The following ZHX3 variants were observed in gnomAD, a reference collection of about 807,000 sequenced individuals.
The protein encoded by ZHX3 is zinc fingers and homeoboxes 3, also known as zinc fingers and homeoboxes protein 3.
ZHX3 carries 20 observed loss-of-function variants against 64.5 expected under a neutral mutation model. The ratio of observed to expected loss-of-function variants is 0.31; its 90% CI spans 0.22 to 0.45. The LOEUF (loss-of-function observed/expected upper bound fraction) is 0.45. ZHX3 is among the 20% of genes least tolerant of loss of function. The probability of loss-of-function intolerance (pLI) is 1.00; values close to 1 mark genes in which losing one functional copy is unlikely to be tolerated. For synonymous variants in ZHX3, 423 were observed against 461.6 expected, an observed-to-expected ratio of 0.92 and a Z score of 1.07; for missense variants, 1,041 against 1,195.8, an observed-to-expected ratio of 0.87 and a Z score of 1.91.
At chr20:41,308,322 A>G (rs1028011219) in intron 1 of ZHX3, among the ~76,000 whole-genome samples, 5 of 152,162 alleles carry the variant, frequency 3.3e-5, no homozygotes, top group African/African-American at 1.2e-4. Context: ...AGCTCCCTGT[A>G]GTTCACTGAG....
Position 41,256,975 on chromosome 20 carries a change from A to ACTCCAC in ZHX3, c.-151+12014_-151+12015insGTGGAG, listed in dbSNP as rs1378012441. On this transcript the variant is annotated intron_variant, in intron 2 of 3. Coordinates refer to ENST00000683867, the MANE Select transcript of ZHX3 (RefSeq NM_001384317.1). ...CCTCCAATGCCTATTACTCCACTCT[A>ACTCCAC]TATGTCCATCTGTACCCATTGTTTA... is the stretch of plus-strand genomic sequence containing the variant. 5.3e-5 allele frequency among the ~76,000 whole-genome samples: 8 copies of ACTCCAC among 152,030 alleles called. No homozygotes were observed. In the East Asian group the frequency reaches 1.5e-3, roughly 29 times the overall value.
At chr20:41,299,215 T>C (rs928390599) in intron 1 of ZHX3, among the ~76,000 whole-genome samples, 1 of 152,230 alleles carries the variant, frequency 6.6e-6, no homozygotes, top group African/African-American at 2.4e-5. Flanking sequence ...CTTATTCCAT[T>C]TGAGAGGCAT....
chr20:41,200,826 T>A lies in ZHX3; in HGVS notation c.2860+1231A>T, dbSNP rs2146216888. On this transcript the variant is annotated intron_variant, in intron 3 of 3. Transcript: ENST00000683867. The surrounding 1 kb of genome is among the most constrained non-coding windows in gnomAD (Gnocchi z 4.2). ...AATTATGGGCCAAAAAGGAAGTCTC[T>A]TTTTCCTTAATTCAGTAAAGAAACA... 6.6e-6 allele frequency among the ~76,000 whole-genome samples: 1 copy of A among 152,338 alleles called. No individual in the cohort carries two copies. Among genetic ancestry groups the A allele is most frequent in the South Asian group, 2.1e-4 (1 of 4,832 alleles).
intron 2 of ZHX3, among the ~76,000 whole-genome samples, chr20:41,223,351 A>G (rs2040071885): frequency 6.6e-6 from 1 of 152,248 alleles, no homozygotes; most frequent in African/African-American, 2.4e-5. Context: ...GGTAAGTCAT[A>G]CATGTATAAG....
intron 3 of ZHX3, among the ~76,000 whole-genome samples, chr20:41,186,748 G>A (rs915156117): frequency 2.6e-5 from 4 of 152,280 alleles, no homozygotes; most frequent in East Asian, 1.9e-4. Context: ...CCAAAGGTTC[G>A]TCTTTTCATG....
chr20:41,186,604 C>T (rs1231890951), intron 3 of ZHX3, among the ~76,000 whole-genome samples: 2 of 152,214 alleles, frequency 1.3e-5, no homozygotes, highest in African/African-American at 4.8e-5. Flanking sequence ...TTTATATTCC[C>T]ACCAGCAATG....
intron 3 of ZHX3, among the ~76,000 whole-genome samples, chr20:41,186,440 T>C (rs2146105596): frequency 6.6e-6 from 1 of 152,364 alleles, no homozygotes; most frequent in East Asian, 1.9e-4. Flanking sequence ...CTGTGAATAA[T>C]GCCACTAAGA....
chr20:41,272,714 C>T (rs142773001), intron 1 of ZHX3, among the ~76,000 whole-genome samples: 3 of 152,152 alleles, frequency 2.0e-5, no homozygotes, highest in Non-Finnish European at 2.9e-5. Flanking sequence ...GTACTTCATT[C>T]CAATTTATGG....
chr20:41,189,349 T>C (rs2036807025), intron 3 of ZHX3, among the ~76,000 whole-genome samples: 1 of 152,218 alleles, frequency 6.6e-6, no homozygotes, highest in African/African-American at 2.4e-5. Flanking sequence ...GTACAAATTT[T>C]AGGGTTTTTT....
chr20:41,217,127 C>T (rs1038866741), intron 2 of ZHX3, among the ~76,000 whole-genome samples: 11 of 152,052 alleles, frequency 7.2e-5, no homozygotes, highest in Non-Finnish European at 1.2e-4. Flanking sequence ...CAGTAAATGA[C>T]ATTAAAGAAT....
At position 41,200,120 on chromosome 20, in the gene ZHX3, AC is replaced by A. The variant is rs1333799504; in HGVS notation, c.2860+1936del. Among the ~76,000 whole-genome samples the A allele has an allele frequency of 6.6e-6, 1 of 150,536 alleles. No homozygotes were observed. The highest frequency in any genetic ancestry group is 1.5e-5 in the Non-Finnish European group (1 of 67,778). ...CTTGCGGATGCTGAAACAAAAAAAA[AC>A]CATCAAAATTTGTAAGCCTCTCCAT... On this transcript the variant is annotated intron_variant, in intron 3 of 3. Coordinates refer to ENST00000683867, the MANE Select transcript of ZHX3 (RefSeq NM_001384317.1). The surrounding 1 kb of genome is among the most constrained non-coding windows in gnomAD (Gnocchi z 4.2).
Position 41,204,079 on chromosome 20 carries a change from C to T in ZHX3, c.838G>A (p.Val280Met), listed in dbSNP as rs113045007. Residue 280 changes from valine (V) to methionine (M), a missense_variant, in exon 3 of 4, where the codon GTG becomes ATG. By Grantham distance (21) the Val-to-Met change is conservative. Transcript: ENST00000683867. The surrounding 1 kb of genome is among the most constrained non-coding windows in gnomAD (Gnocchi z 6.6). ...TGGTGGACATGGTGTTGGGCATGCA[C>T]TGGGGGCTGCTGCTGGAGGGAGAGG... The part of the protein sequence containing the change: ...QFLSLQQQPP[V>M]HAQHHVHQPL... 1.8e-5 allele frequency: 29 copies of T among 1,609,796 alleles called. No homozygotes were observed. The highest frequency in any genetic ancestry group is 2.5e-5 in the Non-Finnish European group (29 of 1,177,562).
At chr20:41,196,380 C>T (rs58618816) in intron 3 of ZHX3, among the ~76,000 whole-genome samples, 1 of 56,054 alleles carries the variant, frequency 1.8e-5, no homozygotes, top group Non-Finnish European at 2.8e-5. Flanking sequence ...ATTTATATAA[C>T]ATAAATATAT....
intron 1 of ZHX3, among the ~76,000 whole-genome samples, chr20:41,301,807 C>A (rs2044818715): frequency 6.6e-6 from 1 of 152,070 alleles, no homozygotes; most frequent in African/African-American, 2.4e-5. Flanking sequence ...GTAATCCCAG[C>A]ACTTTGGGAG....
chr20:41,202,654 C>T lies in ZHX3; in HGVS notation c.2263G>A (p.Glu755Lys), dbSNP rs759676649. 7 of 1,613,910 alleles carry T rather than the reference C, an allele frequency of 4.3e-6. No homozygotes were observed. Among genetic ancestry groups the T allele is most frequent in the African/African-American group, 4.0e-5 (3 of 74,906 alleles). Reference protein sequence around the residue: ...GLGACDPEDDESNKLAEQLPG... With the variant: ...GLGACDPEDDKSNKLAEQLPG... ...AGCTGCTCTGCCAGTTTGTTTGACT[C>T]ATCATCCTCAGGGTCACAGGCACCC... Residue 755 changes from glutamate (E) to lysine (K), a missense_variant, in exon 3 of 4, where the codon GAG becomes AAG. Glu to Lys is a moderately conservative substitution (Grantham distance 56, BLOSUM62 1). Transcript: ENST00000683867. The surrounding 1 kb of genome is among the most constrained non-coding windows in gnomAD (Gnocchi z 7.0).
intron 2 of ZHX3, among the ~76,000 whole-genome samples, chr20:41,213,331 G>A (rs1382773865): frequency 2.0e-5 from 3 of 152,162 alleles, no homozygotes; most frequent in Non-Finnish European, 4.4e-5. Flanking sequence ...AACCAAGAAA[G>A]GTAGAGGACA....
rs141300379 is a variant in ZHX3 at position 41,252,551 on chromosome 20, A to C, written c.-151+16439T>G. On this transcript the variant is annotated intron_variant, in intron 2 of 3. Coordinates refer to ENST00000683867, the MANE Select transcript of ZHX3 (RefSeq NM_001384317.1). Reference sequence around the variant, plus strand: ...AGTCTTCATTTTATACTGCCAAGTAAGTCTAACTGTAACATGCCCATCTTA... The same window carrying C: ...AGTCTTCATTTTATACTGCCAAGTACGTCTAACTGTAACATGCCCATCTTA... Among the ~76,000 whole-genome samples, 28 of 152,318 alleles carry C rather than the reference A, an allele frequency of 1.8e-4. 1 individual carries two copies. The East Asian group carries it at 2.5e-3, about 14-fold the overall frequency.
rs755118508 is a variant in ZHX3 at position 41,246,902 on chromosome 20, AAAC to A, written c.-151+22085_-151+22087del. ...AAAAAAACCAAACAAACAAACAAAC[AAAC>A]AAAAAAAACTAATATCTAAATATTA... On this transcript the variant is annotated intron_variant, in intron 2 of 3. Coordinates refer to ENST00000683867, the MANE Select transcript of ZHX3 (RefSeq NM_001384317.1). Among the ~76,000 whole-genome samples, 1,374 of 151,260 alleles carry A rather than the reference AAAC, an allele frequency of 9.1e-3. 12 individuals are homozygous for A. The highest frequency in any genetic ancestry group is 0.02 in the East Asian group (104 of 5,142).
At chr20:41,279,643 T>C (rs2043571519) in intron 1 of ZHX3, among the ~76,000 whole-genome samples, 1 of 152,038 alleles carries the variant, frequency 6.6e-6, no homozygotes, top group Non-Finnish European at 1.5e-5. Context: ...AAAGAATATA[T>C]ATTATAAAAA....
Sources: gnomAD v4.1 joint callset for allele counts (sites outside exome capture counted in the v4.1 genomes callset) on GRCh38, gnomAD v4.1.1 for gene constraint, Gnocchi (gnomAD v3.1) non-coding constraint, MANE v1.5 for transcripts, NCBI Gene and HGNC (gene_info 2026-07-23, HGNC 2026-07-21) for gene names.